Variants in JARID2 observed in about 807,000 individuals in gnomAD.
The protein encoded by JARID2 is protein Jumonji.
A neutral mutation model predicts 125.6 loss-of-function variants in JARID2; 21 were observed. The ratio of observed to expected loss-of-function variants is 0.17; its 90% CI spans 0.12 to 0.24. JARID2 has a LOEUF of 0.24. JARID2 is among the 10% of genes least tolerant of loss of function. The probability of loss-of-function intolerance (pLI) is 1.00; values close to 1 mark genes in which losing one functional copy is unlikely to be tolerated. For synonymous variants in JARID2, 736 were observed against 661.6 expected, an observed-to-expected ratio of 1.11 and a Z score of -1.73; for missense variants, 1,303 against 1,639.6, an observed-to-expected ratio of 0.79 and a Z score of 3.55.
At chr6:15,454,568 C>A (rs994927723) in intron 4 of JARID2, among the ~76,000 whole-genome samples, 4 of 152,114 alleles carry the variant, frequency 2.6e-5, no homozygotes, top group African/African-American at 9.7e-5. Flanking sequence ...GCCTCGACCT[C>A]CTGGGCTCAA....
chr6:15,463,034 G>A (rs1768526374), intron 4 of JARID2, among the ~76,000 whole-genome samples: 1 of 152,194 alleles, frequency 6.6e-6, no homozygotes, highest in Non-Finnish European at 1.5e-5. Flanking sequence ...GCAAAGAGCA[G>A]ATGCATTCCG....
At chr6:15,421,787 A>C (rs1041765629) in intron 3 of JARID2, among the ~76,000 whole-genome samples, 1 of 152,016 alleles carries the variant, frequency 6.6e-6, no homozygotes, top group Middle Eastern at 3.2e-3. Context: ...GTAGGTCTGA[A>C]TTTTCAGGTG....
At chr6:15,357,282 TAAC>T (rs760789788) in intron 1 of JARID2, among the ~76,000 whole-genome samples, 3 of 152,220 alleles carry the variant, frequency 2.0e-5, no homozygotes, top group Non-Finnish European at 4.4e-5. Flanking sequence ...GTAATGAAGT[TAAC>T]AATTTTTACA....
chr6:15,362,390 T>A (rs1204097097), intron 1 of JARID2, among the ~76,000 whole-genome samples: 5 of 152,192 alleles, frequency 3.3e-5, no homozygotes. Context: ...GAAAAAGAAT[T>A]GAGAATGGAC....
chr6:15,423,736 C>T (rs886695939), intron 3 of JARID2, among the ~76,000 whole-genome samples: 2 of 152,176 alleles, frequency 1.3e-5, no homozygotes, highest in Admixed American at 1.3e-4. Context: ...TTGCAGGATG[C>T]TGGAGAAGCT....
chr6:15,298,060 T>C (rs1015436227), intron 1 of JARID2, among the ~76,000 whole-genome samples: 2 of 152,214 alleles, frequency 1.3e-5, no homozygotes, highest in African/African-American at 2.4e-5. Context: ...AGGAGCTCTT[T>C]AGCAGAAACA....
chr6:15,481,206 G>A (rs1277465483), intron 5 of JARID2, among the ~76,000 whole-genome samples: 2 of 152,144 alleles, frequency 1.3e-5, no homozygotes, highest in African/African-American at 2.4e-5. Context: ...TCTATAGGCC[G>A]TTTAACTTTC....
chr6:15,430,307 C>T (rs1390367729), intron 3 of JARID2, among the ~76,000 whole-genome samples: 1 of 152,142 alleles, frequency 6.6e-6, no homozygotes, highest in Non-Finnish European at 1.5e-5. Flanking sequence ...TGTATGACCA[C>T]TTTATAGAAT....
At chr6:15,442,810 T>G (rs923376529) in intron 3 of JARID2, among the ~76,000 whole-genome samples, 1 of 152,218 alleles carries the variant, frequency 6.6e-6, no homozygotes, top group African/African-American at 2.4e-5. Context: ...ATGACAGTCA[T>G]GATTTTCAGG....
At chr6:15,251,247 C>T (rs1302251674) in intron 1 of JARID2, among the ~76,000 whole-genome samples, 2 of 152,166 alleles carry the variant, frequency 1.3e-5, no homozygotes, top group African/African-American at 4.8e-5. Context: ...AACTCCTGAC[C>T]TCAGGTGATC....
chr6:15,384,916 C>G (rs979756319), intron 2 of JARID2, among the ~76,000 whole-genome samples: 1 of 152,208 alleles, frequency 6.6e-6, no homozygotes, highest in African/African-American at 2.4e-5. Context: ...TGATTCTGAA[C>G]TTGTACTACT....
intron 1 of JARID2, among the ~76,000 whole-genome samples, chr6:15,302,185 G>A (rs150638433): frequency 0.04 from 6,141 of 152,192 alleles, 172 homozygotes; most frequent in South Asian, 0.11. Context: ...GGAGGCCGAG[G>A]TGGGCAGATC....
intron 3 of JARID2, among the ~76,000 whole-genome samples, chr6:15,427,669 T>C (rs929830883): frequency 2.0e-5 from 3 of 152,154 alleles, no homozygotes; most frequent in African/African-American, 7.2e-5. Context: ...CCCTGATCTT[T>C]TTCAGCAGTT....
At chr6:15,326,691 T>C (rs1324691859) in intron 1 of JARID2, among the ~76,000 whole-genome samples, 1 of 152,158 alleles carries the variant, frequency 6.6e-6, no homozygotes, top group East Asian at 1.9e-4. Context: ...AGTAGAGACA[T>C]GGTTTCACCA....
chr6:15,511,517 C>G, intron 13 of JARID2, 116 bp downstream of exon 13: 1 of 715,582 alleles, frequency 1.4e-6, no homozygotes, highest in Non-Finnish European at 2.5e-6. Context: ...AAACAAATCC[C>G]CAGGGTGCAA....
intron 1 of JARID2, among the ~76,000 whole-genome samples, chr6:15,246,845 A>C (rs1024045812): frequency 6.6e-6 from 1 of 152,202 alleles, no homozygotes; most frequent in African/African-American, 2.4e-5. Context: ...GATGAAAGGC[A>C]AGGGATTTTG....
At chr6:15,393,068 G>A (rs1765085047) in intron 2 of JARID2, among the ~76,000 whole-genome samples, 1 of 152,156 alleles carries the variant, frequency 6.6e-6, no homozygotes, top group Non-Finnish European at 1.5e-5. Context: ...CAGCCATAGA[G>A]GCAGGATACG....
At chr6:15,501,556 T>C in intron 8 of JARID2, 147 bp downstream of exon 8, 1 of 672,874 alleles carries the variant, frequency 1.5e-6, no homozygotes, top group Non-Finnish European at 2.4e-6. Flanking sequence ...GTGATAGCGC[T>C]GTATTAGTCC....
intron 2 of JARID2, chr6:15,400,767 C>G: frequency 1.0e-6 from 1 of 983,458 alleles, no homozygotes; most frequent in Non-Finnish European, 1.2e-6. Context: ...GCCTCCCCTC[C>G]CCCTCGGCCC....
Sources: allele counts gnomAD v4.1 joint callset (sites outside exome capture counted in the v4.1 genomes callset), GRCh38; gene constraint gnomAD v4.1.1; transcripts MANE v1.5; gene names NCBI Gene and HGNC (gene_info 2026-07-23, HGNC 2026-07-21).